DOCK1: variants seen among roughly 807,000 people sequenced by gnomAD.
DOCK1 encodes the protein dedicator of cytokinesis protein 1.
Under a neutral mutation model 262.7 loss-of-function variants are expected in DOCK1, and 138 were observed. The observed-to-expected ratio is 0.53, with a 90% confidence interval of 0.46 to 0.61. DOCK1 has a LOEUF of 0.61. Among genes scored for constraint, DOCK1 ranks in the 20% least tolerant of loss-of-function variants. The pLI, the probability that DOCK1 is intolerant of heterozygous loss-of-function variation, is 0.00. For synonymous variants in DOCK1, 866 were observed against 867.4 expected (o/e 1.00, Z 0.03); for missense variants, 1,908 against 2,370.7 (o/e 0.80, Z 4.05).
At chr10:126,997,003 A>G (rs922210860) in intron 7 of DOCK1, 120 bp downstream of exon 7, 15 of 1,170,204 alleles carry the variant, frequency 1.3e-5, no homozygotes, top group African/African-American at 4.7e-5. Flanking sequence ...GAGTAGCTGC[A>G]GAGTTTGTGT....
chr10:127,138,344 A>G (rs1433077719), intron 27 of DOCK1, among the ~76,000 whole-genome samples: 1 of 152,206 alleles, frequency 6.6e-6, no homozygotes, highest in Non-Finnish European at 1.5e-5. Context: ...GTCTGTTCAC[A>G]TGGGCCTCAT....
At chr10:127,308,594 C>T (rs1198272102) in intron 29 of DOCK1, among the ~76,000 whole-genome samples, 1 of 152,154 alleles carries the variant, frequency 6.6e-6, no homozygotes, top group East Asian at 1.9e-4. Flanking sequence ...TTGCTGCCAA[C>T]CCCCTGACAG....
At chr10:126,909,985 G>T (rs1375522279) in intron 1 of DOCK1, among the ~76,000 whole-genome samples, 1 of 152,196 alleles carries the variant, frequency 6.6e-6, no homozygotes, top group Non-Finnish European at 1.5e-5. Flanking sequence ...CCTGACTTGC[G>T]TGCCTTCACA....
chr10:127,070,185 A>G (rs532853208), intron 23 of DOCK1, among the ~76,000 whole-genome samples: 1 of 150,348 alleles, frequency 6.7e-6, no homozygotes, highest in East Asian at 2.0e-4. Context: ...CAACTTGATT[A>G]TATCTGAAAA....
intron 23 of DOCK1, among the ~76,000 whole-genome samples, chr10:127,081,921 G>T (rs1424487062): frequency 1.3e-5 from 2 of 152,152 alleles, no homozygotes; most frequent in Non-Finnish European, 2.9e-5. Context: ...CCACCCCAGT[G>T]ATCTCCCTTT....
chr10:126,990,482 G>A lies in DOCK1; in HGVS notation c.352G>A (p.Val118Met), dbSNP rs973298505. The A allele has an allele frequency of 1.2e-6, 2 of 1,612,540 alleles. No individual in the cohort carries two copies. Among genetic ancestry groups the A allele is most frequent in the African/African-American group, 2.7e-5 (2 of 74,860 alleles). The change falls in exon 6 of 52, where the codon GTG (valine) becomes ATG (methionine). Residue 118 changes from valine (V) to methionine (M), a missense_variant. By Grantham distance (21) the Val-to-Met change is conservative (BLOSUM62 1). This residue lies in a region of DOCK1 where 227 missense variants were observed against 254.1 expected (regional missense o/e 0.89). Transcript: ENST00000623213. ...AGATAACAGGGAGATGTTTCGAAGT[G>A]TGCGGCACATGATCTATGACCTTAT... is the stretch of plus-strand genomic sequence containing the variant. ...VQDNREMFRS[V>M]RHMIYDLIEW...
At chr10:126,945,962 G>C (rs1194491744) in intron 1 of DOCK1, among the ~76,000 whole-genome samples, 1 of 152,170 alleles carries the variant, frequency 6.6e-6, no homozygotes, top group Admixed American at 6.6e-5. Flanking sequence ...TTCACTTGCT[G>C]ATGAACGTTC....
At chr10:127,278,803 A>G (rs911305139) in intron 29 of DOCK1, among the ~76,000 whole-genome samples, 3 of 152,234 alleles carry the variant, frequency 2.0e-5, no homozygotes, top group African/African-American at 7.2e-5. Context: ...TTTATCAAAT[A>G]GAAAGAGCTT....
At chr10:127,330,829 CAT>C (rs1369336221) in intron 29 of DOCK1, among the ~76,000 whole-genome samples, 3 of 152,198 alleles carry the variant, frequency 2.0e-5, no homozygotes, top group Non-Finnish European at 4.4e-5. Context: ...GAAACACACA[CAT>C]GTGTGATTGA....
intron 3 of DOCK1, 96 bp from the exon 4 acceptor site, chr10:126,981,822 C>T (rs2039000167): frequency 1.6e-6 from 2 of 1,235,402 alleles, no homozygotes; most frequent in South Asian, 2.8e-5. Context: ...AGCGATCTAG[C>T]CACCCCTCAC....
chr10:127,353,734 G>A (rs956998439), intron 31 of DOCK1, among the ~76,000 whole-genome samples: 2 of 152,236 alleles, frequency 1.3e-5, no homozygotes, highest in African/African-American at 2.4e-5. Flanking sequence ...CTGTGGTTGA[G>A]ATGATCACTC....
At chr10:127,144,889 CAAACTG>C (rs1436474009) in intron 27 of DOCK1, among the ~76,000 whole-genome samples, 5 of 152,200 alleles carry the variant, frequency 3.3e-5, no homozygotes, top group Non-Finnish European at 7.3e-5. Flanking sequence ...TAGTAACACT[CAAACTG>C]TAAGATCTGT....
At chr10:127,244,002 A>T (rs1306413885) in intron 27 of DOCK1, among the ~76,000 whole-genome samples, 2 of 152,078 alleles carry the variant, frequency 1.3e-5, no homozygotes, top group East Asian at 3.9e-4. Context: ...TTTCCTCTTC[A>T]ATTATTTTCT....
At chr10:127,280,813 T>C (rs1414485673) in intron 29 of DOCK1, among the ~76,000 whole-genome samples, 1 of 152,214 alleles carries the variant, frequency 6.6e-6, no homozygotes, top group African/African-American at 2.4e-5. Context: ...TTTGTTGTTT[T>C]TCTCCTTTTC....
chr10:127,420,810 G>A (rs1429770688), intron 46 of DOCK1, among the ~76,000 whole-genome samples: 1 of 151,550 alleles, frequency 6.6e-6, no homozygotes, highest in East Asian at 2.0e-4. Context: ...CTGCACTCCA[G>A]CCTGGGTAAC....
intron 50 of DOCK1, 128 bp from the exon 51 acceptor site, chr10:127,447,266 A>G: frequency 1.4e-6 from 2 of 1,387,434 alleles, no homozygotes; most frequent in Non-Finnish European, 9.8e-7. Context: ...TCTGTTGACA[A>G]ACGTTTTCTG....
chr10:127,354,150 T>A (rs934250264), intron 31 of DOCK1, among the ~76,000 whole-genome samples: 25 of 152,206 alleles, frequency 1.6e-4, no homozygotes, highest in African/African-American at 6.0e-4. Flanking sequence ...TTATTTTCCC[T>A]GATAAACAAA....
chr10:127,431,623 T>C (rs2069295543), intron 47 of DOCK1, among the ~76,000 whole-genome samples: 1 of 152,202 alleles, frequency 6.6e-6, no homozygotes, highest in Admixed American at 6.5e-5. Context: ...CCAACCCCTC[T>C]CTGCTGGCAA....
intron 2 of DOCK1, among the ~76,000 whole-genome samples, chr10:126,971,960 A>AG (rs1320184356): frequency 6.6e-6 from 1 of 151,906 alleles, no homozygotes; most frequent in Non-Finnish European, 1.5e-5. Context: ...CTTGTTGCCC[A>AG]GGCTGGAGTG....
Sources: gnomAD v4.1 joint callset for allele counts (sites outside exome capture counted in the v4.1 genomes callset) on GRCh38, gnomAD v4.1.1 for gene constraint, gnomAD v4.1.1 regional missense constraint, MANE v1.5 for transcripts, NCBI Gene and HGNC (gene_info 2026-07-23, HGNC 2026-07-21) for gene names.